CELF2: variants seen among roughly 807,000 people sequenced by gnomAD.
CELF2 encodes the protein CUG triplet repeat RNA-binding protein 2.
Under a neutral mutation model 62.6 loss-of-function variants are expected in CELF2, and 8 were observed. The ratio of observed to expected loss-of-function variants is 0.13; its 90% CI spans 0.07 to 0.23. CELF2 has a LOEUF of 0.23. Among genes scored for constraint, CELF2 ranks in the 10% least tolerant of loss-of-function variants. The pLI, the probability that CELF2 is intolerant of heterozygous loss-of-function variation, is 1.00. For synonymous variants in CELF2, 258 were observed against 250.0 expected (o/e 1.03, Z -0.30); for missense variants, 333 against 671.0 (o/e 0.50, Z 5.56).
intron 8 of CELF2, among the ~76,000 whole-genome samples, chr10:11,277,281 A>G (rs17150017): frequency 0.03 from 4,504 of 152,224 alleles, 208 homozygotes; most frequent in African/African-American, 0.1. Flanking sequence ...CTTGCCATCA[A>G]TCTGTGCACA....
chr10:10,538,173 C>A, the CELF2 span, among the ~76,000 whole-genome samples: 1 of 152,274 alleles, frequency 6.6e-6, no homozygotes, highest in African/African-American at 2.4e-5. Flanking sequence ...CCATGTCCTT[C>A]AGTAGCAGGG....
the CELF2 span, among the ~76,000 whole-genome samples, chr10:10,492,264 C>T: frequency 6.6e-6 from 1 of 152,092 alleles, no homozygotes; most frequent in South Asian, 2.1e-4. Flanking sequence ...CAGCCTTGCC[C>T]CTCTTTTCCA....
chr10:11,073,061 TTA>T (rs1338319669), intron 1 of CELF2, among the ~76,000 whole-genome samples: 2 of 152,070 alleles, frequency 1.3e-5, no homozygotes, highest in Non-Finnish European at 2.9e-5. Flanking sequence ...AGAAATACAA[TTA>T]TGATAAATAT....
At chr10:10,865,673 T>C (rs2060310161) in intron 1 of CELF2, among the ~76,000 whole-genome samples, 1 of 152,186 alleles carries the variant, frequency 6.6e-6, no homozygotes, top group Non-Finnish European at 1.5e-5. Context: ...ACCCACTAGG[T>C]TGAAATCCTC....
intron 1 of CELF2, among the ~76,000 whole-genome samples, chr10:11,108,473 G>A (rs2054256636): frequency 6.6e-6 from 1 of 151,842 alleles, no homozygotes. Flanking sequence ...CATGTTATCT[G>A]TTCCTTCCCC....
rs1224578325 is a variant in CELF2, at chr10:11,329,099, T to TAAGTC, written c.*47_*51dup. On this transcript the variant is annotated 3_prime_UTR_variant, in exon 13 of 13. Transcript: ENST00000633077. This position sits in a 1 kb window ranked among gnomAD's most constrained non-coding sequence, Gnocchi z 5.5. ...TGCTCTCATTTTAGCTTTCTTAGGGTAAGTCCCACGAGCCAGCCTGTCTCA... is the reference window on the plus strand; with the variant it reads ...TGCTCTCATTTTAGCTTTCTTAGGGTAAGTCAAGTCCCACGAGCCAGCCTGTCTCA... The TAAGTC allele has an allele frequency of 1.3e-6, 2 of 1,560,372 alleles. No homozygotes were observed. Among genetic ancestry groups the TAAGTC allele is most frequent in the Non-Finnish European group, 1.7e-6 (2 of 1,144,350 alleles).
intron 1 of CELF2, among the ~76,000 whole-genome samples, chr10:11,111,653 A>C (rs1294616010): frequency 6.6e-6 from 1 of 152,130 alleles, no homozygotes; most frequent in Non-Finnish European, 1.5e-5. Context: ...CACATAGGCA[A>C]CGTGCCCTAT....
the CELF2 span, among the ~76,000 whole-genome samples, chr10:10,758,650 C>T: frequency 2.0e-5 from 3 of 152,286 alleles, no homozygotes; most frequent in East Asian, 1.9e-4. Context: ...TGTACTAAAT[C>T]AGTTGGTTAA....
the CELF2 span, among the ~76,000 whole-genome samples, chr10:10,736,166 C>A: frequency 6.6e-6 from 1 of 152,274 alleles, no homozygotes; most frequent in Middle Eastern, 3.4e-3. Context: ...AAACAAGATA[C>A]AAACCCTGAA....
intron 1 of CELF2, among the ~76,000 whole-genome samples, chr10:11,104,493 C>T (rs1022475467): frequency 6.6e-6 from 1 of 152,178 alleles, no homozygotes; most frequent in Admixed American, 6.5e-5. Context: ...GAGCTCAAGA[C>T]CAGCCTGGGC....
chr10:10,971,154 C>A (rs1247913988), intron 2 of CELF2, among the ~76,000 whole-genome samples: 2 of 152,206 alleles, frequency 1.3e-5, no homozygotes, highest in East Asian at 3.9e-4. Context: ...ATCTGCTTCT[C>A]TGGCTGCTCC....
chr10:10,929,047 G>A (rs2065815840), intron 2 of CELF2, among the ~76,000 whole-genome samples: 1 of 152,178 alleles, frequency 6.6e-6, no homozygotes, highest in Admixed American at 6.5e-5. Context: ...TAAAGAACCA[G>A]GGGTAGACAA....
rs57327671 is a variant in CELF2 at position 11,186,296 on chromosome 10, C to CTTT, written c.271+20629_271+20631dup. Among the ~76,000 whole-genome samples the CTTT allele has an allele frequency of 1.3e-3, 147 of 115,494 alleles. 2 individuals are homozygous for CTTT. Among genetic ancestry groups the CTTT allele is most frequent in the South Asian group, 5.4e-3 (18 of 3,334 alleles). 75.8% of individuals were successfully genotyped at this position (115,494 alleles called of 152,430 possible). On this transcript the variant is annotated intron_variant, in intron 2 of 12. Coordinates refer to ENST00000633077, the MANE Select transcript of CELF2 (RefSeq NM_001326342.2). ...AAAGAACTAGCCTTTGGTTTTGTTGCTTTTTTTTTTTTTTTTTCTATTTCT... is the reference window on the plus strand; with the variant it reads ...AAAGAACTAGCCTTTGGTTTTGTTGCTTTTTTTTTTTTTTTTTTTTCTATTTCT...
the CELF2 span, among the ~76,000 whole-genome samples, chr10:10,780,851 A>G: frequency 1.1e-4 from 17 of 152,206 alleles, no homozygotes; most frequent in African/African-American, 3.9e-4. Flanking sequence ...TGTATTTGAC[A>G]TCATTGTCTA....
intron 2 of CELF2, among the ~76,000 whole-genome samples, chr10:10,974,022 A>G (rs1382402590): frequency 6.6e-6 from 1 of 152,230 alleles, no homozygotes; most frequent in Non-Finnish European, 1.5e-5. Context: ...AGATAAATGG[A>G]ACATGGACTT....
chr10:11,284,679 TGTGGATGATGGATGA>T (rs1203696579), intron 8 of CELF2, among the ~76,000 whole-genome samples: 3 of 138,160 alleles, frequency 2.2e-5, no homozygotes, highest in Non-Finnish European at 4.7e-5. Context: ...TGTGTGAGTG[TGTGGATGATGGATGA>T]GTGGATGATG....
intron 1 of CELF2, among the ~76,000 whole-genome samples, chr10:10,894,532 C>G (rs1026790033): frequency 6.6e-6 from 1 of 152,210 alleles, no homozygotes; most frequent in African/African-American, 2.4e-5. Context: ...GTTCCTTTAG[C>G]ACACAGACGT....
At chr10:10,800,079 T>G (rs920746934) in intron 1 of CELF2, among the ~76,000 whole-genome samples, 2 of 150,206 alleles carry the variant, frequency 1.3e-5, no homozygotes, top group African/African-American at 4.9e-5. Context: ...TTCATGACTC[T>G]GTCTTCATGT....
chr10:10,788,772 T>A, the CELF2 span, among the ~76,000 whole-genome samples: 1 of 152,148 alleles, frequency 6.6e-6, no homozygotes, highest in Non-Finnish European at 1.5e-5. Flanking sequence ...CTCTTTCCAG[T>A]ATTTTTTTCC....
Sources: allele counts gnomAD v4.1 joint callset (sites outside exome capture counted in the v4.1 genomes callset), GRCh38; gene constraint gnomAD v4.1.1; non-coding constraint Gnocchi (gnomAD v3.1); transcripts MANE v1.5; gene names NCBI Gene and HGNC (gene_info 2026-07-23, HGNC 2026-07-21).